EPHA10: variants seen among roughly 807,000 people sequenced by gnomAD.
EPHA10 encodes ephrin type-A receptor 10.
A neutral mutation model predicts 109.7 loss-of-function variants in EPHA10; 120 were observed. That is an observed-to-expected ratio of 1.09 (90% CI 0.94 to 1.27). The LOEUF (loss-of-function observed/expected upper bound fraction) is 1.27. Ranked by LOEUF, EPHA10 falls within the 50% of genes most tolerant of loss-of-function variation. The pLI is 0.00. For synonymous variants in EPHA10, 640 were observed against 618.9 expected (o/e 1.03, Z -0.51); for missense variants, 1,396 against 1,411.1 (o/e 0.99, Z 0.17).
chr1:37,719,922 A>T lies in EPHA10; in HGVS notation c.2549T>A (p.Met850Lys). Reference protein sequence around the residue: ...MAFGERPYWDMSGQDVIKAVE... With the variant: ...MAFGERPYWDKSGQDVIKAVE... ...CGGGTTACTCACGTCTTGGCCAGAC[A>T]TGTCCCAGTAAGGCCGCTCCCCAAA... Residue 850 changes from methionine to lysine, a missense_variant, in exon 14 of 17, where the codon ATG becomes AAG. By Grantham distance (95) the Met-to-Lys change is moderately conservative (BLOSUM62 -1). Coordinates refer to ENST00000373048, the MANE Select transcript of EPHA10 (RefSeq NM_001099439.2). 6.2e-7 allele frequency: 1 copy of T among 1,613,982 alleles called. No individual in the cohort carries two copies. Among genetic ancestry groups the T allele is most frequent in the Non-Finnish European group, 8.5e-7 (1 of 1,180,024 alleles).
intron 5 of EPHA10, among the ~76,000 whole-genome samples, chr1:37,749,762 T>G (rs1228049196): frequency 6.6e-6 from 1 of 152,220 alleles, no homozygotes; most frequent in African/African-American, 2.4e-5. Context: ...TGGGAAGATG[T>G]TCTCAGAAAT....
Position 37,732,863 on chromosome 1 carries a change from C to CTTTTTTTTTTTTTTTTTT in EPHA10, c.1492-1299_1492-1282dup, listed in dbSNP as rs56226051. Among the ~76,000 whole-genome samples the CTTTTTTTTTTTTTTTTTT allele has an allele frequency of 7.6e-4, 19 of 25,042 alleles. 3 individuals are homozygous for CTTTTTTTTTTTTTTTTTT. The highest frequency in any genetic ancestry group is 1.8e-3 in the East Asian group (2 of 1,124). The allele number at this position is 25,042 out of a possible 152,430, so 16.4% of individuals were successfully genotyped here. ...CAAATATAGCCCTTTTATACTTGTT[C>CTTTTTTTTTTTTTTTTTT]TTTTTTTTTTTTTTTTTTTTTTTTT... On this transcript the variant is annotated intron_variant, in intron 6 of 16. Transcript: ENST00000373048.
intron 14 of EPHA10, 122 bp downstream of exon 14, chr1:37,719,787 C>G (rs1645757737): frequency 2.0e-6 from 3 of 1,536,568 alleles, no homozygotes; most frequent in African/African-American, 2.7e-5. Context: ...GAACCAGAAG[C>G]AAGCAGACAG....
chr1:37,761,239 C>T (rs1569771226), intron 3 of EPHA10, 166 bp downstream of exon 3: 2 of 1,499,858 alleles, frequency 1.3e-6, no homozygotes, highest in Non-Finnish European at 1.8e-6. Flanking sequence ...TGACTGGACT[C>T]ACTGGAAACT....
rs972379828 is a variant in EPHA10, at chr1:37,761,957, G to A, written c.298C>T (p.Arg100Cys). 2 of 1,614,008 alleles carry A rather than the reference G, an allele frequency of 1.2e-6. No individual in the cohort carries two copies. Among genetic ancestry groups the A allele is most frequent in the African/African-American group, 2.7e-5 (2 of 74,942 alleles). ...TGWISRGRGQ[R>C]IFVELQFTLR... ...GTGAACTGCAGTTCCACGAAGATGC[G>A]CTGCCCGCGGCCACGGCTTATCCAG... The change falls in exon 3 of 17, where the codon CGC becomes TGC. Residue 100 changes from arginine (R) to cysteine (C), a missense_variant. Coordinates refer to ENST00000373048, the MANE Select transcript of EPHA10 (RefSeq NM_001099439.2).
In EPHA10 at chr1:37,718,836, T is replaced by C. The variant is rs201144295; in HGVS notation, c.2757-20A>G. The C allele has an allele frequency of 8.6e-4, 1,375 of 1,593,154 alleles. 7 individuals carry two copies. The African/African-American group carries it at 0.016, about 18-fold the overall frequency. On this transcript the variant is annotated intron_variant, in intron 15 of 16. Transcript: ENST00000373048. ...GGAGGCCTGCGGGTCAGAGGAGCTG[T>C]GCTCAACCGACAGCTGGGATCTGGG...
rs1339166760 is a variant in EPHA10, at chr1:37,718,695, C to G, written c.2878G>C (p.Gly960Arg). ...YKDSFAAAGY[G>R]SLEAVAEMTA... ...ATCTCGGCCACGGCCTCCAGGCTCC[C>G]ATAGCCAGCAGCCGCGAAGCTGTCC... Residue 960 changes from glycine to arginine, a missense_variant, in exon 16 of 17, where the codon GGG becomes CGG. Coordinates refer to ENST00000373048, the MANE Select transcript of EPHA10 (RefSeq NM_001099439.2). 1.2e-6 allele frequency: 2 copies of G among 1,613,218 alleles called. No homozygotes were observed. Among genetic ancestry groups the G allele is most frequent in the Non-Finnish European group, 1.7e-6 (2 of 1,180,020 alleles).
rs370292139 is a variant in EPHA10, at chr1:37,723,329, C to A, written c.1816G>T (p.Glu606Ter). Residue 606 changes from glutamate (E) to a stop codon, truncating the protein, a stop_gained, in exon 9 of 17, where the codon GAG becomes TAG. Transcript: ENST00000373048. LOFTEE classifies it high-confidence loss of function. Reference sequence around the variant, plus strand: ...AACTCACAGTGGAAATACAGCTCCTCTTCATCATGGGCATCCCCTCCTCCT... The same window carrying A: ...AACTCACAGTGGAAATACAGCTCCTATTCATCATGGGCATCCCCTCCTCCT... Reference protein sequence around the residue: ...GKGGGDAHDEEELYFHFKVPT... With the variant: ...GKGGGDAHDE 2 of 1,614,180 alleles carry A rather than the reference C, an allele frequency of 1.2e-6. No homozygotes were observed. Among genetic ancestry groups the A allele is most frequent in the Admixed American group, 3.3e-5 (2 of 60,026 alleles).
chr1:37,720,828 AATC>A lies in EPHA10; in HGVS notation c.2160_2162del (p.Met720del). ...CCCCATGGCTCATGTACTCGGTGACAATCATCAAGGTGCTTCCTGTGCCCAGGG... is the reference window on the plus strand; with the variant it reads ...CCCCATGGCTCATGTACTCGGTGACAATCAAGGTGCTTCCTGTGCCCAGGG... On this transcript the variant is annotated inframe_deletion, in exon 12 of 17. Coordinates refer to ENST00000373048, the MANE Select transcript of EPHA10 (RefSeq NM_001099439.2). The A allele has an allele frequency of 6.2e-7, 1 of 1,614,098 alleles. No homozygotes were observed. Among genetic ancestry groups the A allele is most frequent in the Non-Finnish European group, 8.5e-7 (1 of 1,180,004 alleles).
At chr1:37,746,804 G>A (rs1166513408) in intron 5 of EPHA10, among the ~76,000 whole-genome samples, 1 of 152,186 alleles carries the variant, frequency 6.6e-6, no homozygotes, top group Non-Finnish European at 1.5e-5. Context: ...ATGAAGTACT[G>A]ATACGTGCTA....
Position 37,762,815 on chromosome 1 carries a change from C to A in EPHA10, c.141G>T (p.Glu47Asp), listed in dbSNP as rs1453346098. Residue 47 changes from glutamate to aspartate, a missense_variant, in exon 2 of 17, where the codon GAG becomes GAT. Physicochemically the swap from Glu to Asp is conservative, Grantham distance 45 (BLOSUM62 2). Transcript: ENST00000373048. ...ILLDSKASQA[E>D]LGWTALPSNG... ...TACTTGGCAGTGCAGTCCAGCCCAGCTCGGCCTGGGAGGCTTTGGAATCCA... is the reference window on the plus strand; with the variant it reads ...TACTTGGCAGTGCAGTCCAGCCCAGATCGGCCTGGGAGGCTTTGGAATCCA... 3 of 1,553,904 alleles carry A rather than the reference C, an allele frequency of 1.9e-6. No individual in the cohort carries two copies. The highest frequency in any genetic ancestry group is 2.4e-5 in the East Asian group (1 of 41,348).
At position 37,735,278 on chromosome 1, in the gene EPHA10, G is replaced by A. The variant is rs187675371; in HGVS notation, c.1470C>T (p.Tyr490=). The A allele has an allele frequency of 1.5e-5, 24 of 1,564,652 alleles. No individual in the cohort carries two copies. The African/African-American group carries it at 2.4e-4, about 16-fold the overall frequency. The change falls in exon 6 of 17, where the codon TAC becomes TAT. Residue 490 remains tyrosine (Y), a synonymous_variant. Coordinates refer to ENST00000373048, the MANE Select transcript of EPHA10 (RefSeq NM_001099439.2). ...TCACCTTCTCGTAGTATCGGATCTC[G>A]TACTCCGTGTCATTGGCCCCAGGGG... ...AGAPGANDTE[Y]EIRYYEKGQS... is the part of the protein sequence containing the mutation.
chr1:37,726,967 TA>T (rs1474456111), intron 8 of EPHA10, 134 bp downstream of exon 8: 1 of 577,740 alleles, frequency 1.7e-6, no homozygotes, highest in African/African-American at 1.9e-5. Flanking sequence ...GATGCATGCC[TA>T]CATTTGTACA....
chr1:37,765,000 G>C lies in EPHA10; in HGVS notation c.67C>G (p.Leu23Val). The C allele has an allele frequency of 6.2e-7, 1 of 1,611,170 alleles. No homozygotes were observed. Among genetic ancestry groups the C allele is most frequent in the Non-Finnish European group, 8.5e-7 (1 of 1,179,392 alleles). Residue 23 changes from leucine to valine, a missense_variant, in exon 1 of 17, where the codon CTG (leucine) becomes GTG (valine). Transcript: ENST00000373048. The surrounding 1 kb of genome is among the most constrained non-coding windows in gnomAD (Gnocchi z 5.8). Reference protein sequence around the residue: ...FLCRMQLCLALLLGPWRPGTA... With the variant: ...FLCRMQLCLAVLLGPWRPGTA... ...CCAGGCCGCCAGGGTCCCAAAAGCA[G>C]CGCGAGACAGAGCTGCATCCGGCAG...
At chr1:37,748,721 C>T (rs536351358) in intron 5 of EPHA10, among the ~76,000 whole-genome samples, 3 of 151,850 alleles carry the variant, frequency 2.0e-5, no homozygotes, top group Non-Finnish European at 4.4e-5. Flanking sequence ...ATTCATCATA[C>T]CGACAGGTCA....
At chr1:37,752,246 A>G (rs1032461206) in intron 5 of EPHA10, among the ~76,000 whole-genome samples, 1 of 152,144 alleles carries the variant, frequency 6.6e-6, no homozygotes, top group Non-Finnish European at 1.5e-5. Context: ...TATTCACCTC[A>G]TGTCCAGACT....
intron 3 of EPHA10, chr1:37,760,436 C>T: frequency 9.5e-7 from 1 of 1,055,666 alleles, no homozygotes; most frequent in Non-Finnish European, 1.1e-6. Context: ...TGAAGGATCT[C>T]CCCCAGGGAG....
intron 3 of EPHA10, chr1:37,761,086 T>C (rs1235995163): frequency 3.2e-5 from 9 of 283,532 alleles, no homozygotes; most frequent in Non-Finnish European, 3.5e-5. Context: ...AGACTCCTTA[T>C]TTTAAAAAAA....
chr1:37,758,132 G>T (rs779941020), intron 3 of EPHA10, among the ~76,000 whole-genome samples: 2 of 152,178 alleles, frequency 1.3e-5, no homozygotes, highest in Non-Finnish European at 2.9e-5. Flanking sequence ...TATAGAGTAT[G>T]TAAAAACAAT....
Sources: allele counts gnomAD v4.1 joint callset (sites outside exome capture counted in the v4.1 genomes callset), GRCh38; gene constraint gnomAD v4.1.1; non-coding constraint Gnocchi (gnomAD v3.1); transcripts MANE v1.5; gene names NCBI Gene and HGNC (gene_info 2026-07-23, HGNC 2026-07-21).